Variants in TAOK3 observed in about 807,000 individuals in gnomAD.
The protein encoded by TAOK3 is TAO kinase 3.
In TAOK3, 40 loss-of-function variants were observed where a neutral mutation model predicts 120.4. That is an observed-to-expected ratio of 0.33 (90% confidence interval 0.26 to 0.43). The LOEUF (loss-of-function observed/expected upper bound fraction) is 0.43, where lower values mean the gene tolerates loss of function less well. TAOK3 is among the 20% of genes least tolerant of loss of function. TAOK3 has a pLI of 1.00. For synonymous variants in TAOK3, 355 were observed against 387.5 expected (o/e 0.92, Z 0.99); for missense variants, 821 against 1,112.1 (o/e 0.74, Z 3.72).
At chr12:118,187,591 C>T (rs1364114755) in intron 14 of TAOK3, among the ~76,000 whole-genome samples, 1 of 151,684 alleles carries the variant, frequency 6.6e-6, no homozygotes, top group Non-Finnish European at 1.5e-5. Flanking sequence ...TACCTTTTCC[C>T]TTCCATTTTT....
intron 16 of TAOK3, among the ~76,000 whole-genome samples, chr12:118,174,498 T>C (rs2036199968): frequency 6.6e-6 from 1 of 152,054 alleles, no homozygotes; most frequent in Non-Finnish European, 1.5e-5. Flanking sequence ...TGGGGACTCT[T>C]AAATGCTGTT....
chr12:118,271,199 A>C (rs1426618106), intron 1 of TAOK3, among the ~76,000 whole-genome samples: 1 of 152,220 alleles, frequency 6.6e-6, no homozygotes, highest in African/African-American at 2.4e-5. Flanking sequence ...TAAAGTGTAC[A>C]ATTCAATGGT....
intron 3 of TAOK3, among the ~76,000 whole-genome samples, chr12:118,255,233 C>T (rs753250178): frequency 2.4e-4 from 37 of 152,154 alleles, no homozygotes; most frequent in Non-Finnish European, 4.0e-4. Flanking sequence ...GCTTATTTTA[C>T]GAGCAACAGC....
At position 118,352,400 on chromosome 12, in the gene TAOK3, A is replaced by G. The variant is rs1181997317; in HGVS notation, c.-194+20248T>C. On this transcript the variant is annotated intron_variant, in intron 1 of 20. Coordinates refer to ENST00000392533, the MANE Select transcript of TAOK3 (RefSeq NM_016281.4). ...GCACCTGTAATCCCAGCTACTCAGG[A>G]GGCTGAGGTAGGGAGAATCGCTTGA... Among the ~76,000 whole-genome samples, 3 of 151,590 alleles carry G rather than the reference A, an allele frequency of 2.0e-5. No individual in the cohort carries two copies. The East Asian group carries it at 6.1e-4, about 31-fold the overall frequency.
intron 3 of TAOK3, among the ~76,000 whole-genome samples, chr12:118,248,731 T>A (rs761336419): frequency 5.9e-5 from 9 of 152,144 alleles, no homozygotes; most frequent in Non-Finnish European, 8.8e-5. Context: ...TATTTGGACC[T>A]AAAAACATGA....
chr12:118,265,462 C>T (rs2041408770), intron 2 of TAOK3, among the ~76,000 whole-genome samples: 1 of 149,676 alleles, frequency 6.7e-6, no homozygotes, highest in Non-Finnish European at 1.5e-5. Context: ...ATACACTTAC[C>T]TACAAACTCA....
chr12:118,188,943 TGA>T (rs369714951), intron 14 of TAOK3, among the ~76,000 whole-genome samples: 7 of 151,454 alleles, frequency 4.6e-5, no homozygotes, highest in African/African-American at 9.7e-5. Flanking sequence ...TGTGTGTGTG[TGA>T]GTGTGAGCGC....
chr12:118,228,283 C>T (rs2039604267), intron 9 of TAOK3, among the ~76,000 whole-genome samples: 1 of 151,644 alleles, frequency 6.6e-6, no homozygotes. Context: ...TCCCAAGTAG[C>T]TGGGATTACA....
At chr12:118,167,099 G>A (rs2138536149) in intron 17 of TAOK3, among the ~76,000 whole-genome samples, 1 of 152,190 alleles carries the variant, frequency 6.6e-6, no homozygotes, top group Admixed American at 6.5e-5. Context: ...GACATTTAAT[G>A]CCTTCTTAGT....
intron 2 of TAOK3, among the ~76,000 whole-genome samples, chr12:118,265,394 G>GAAAAAAA (rs35810306): frequency 1.5e-5 from 1 of 68,598 alleles, no homozygotes; most frequent in Non-Finnish European, 2.9e-5. Flanking sequence ...GTCTCAGGAA[G>GAAAAAAA]AAAAAAAAAA....
Position 118,150,862 on chromosome 12 carries a change from C to A in TAOK3, c.*135G>T, listed in dbSNP as rs915664255. On this transcript the variant is annotated 3_prime_UTR_variant, in exon 21 of 21. Coordinates refer to ENST00000392533, the MANE Select transcript of TAOK3 (RefSeq NM_016281.4). ...AGAATAAACAGGCACTAGTCCGACA[C>A]GATGTCAGTAAGAGTAAGAGAGAGA... 1.0e-5 allele frequency: 10 copies of A among 973,124 alleles called. No homozygotes were observed. The highest frequency in any genetic ancestry group is 1.5e-5 in the Non-Finnish European group (10 of 677,826). The allele number at this position is 973,124 out of a possible 1,614,324, so 60.3% of individuals were successfully genotyped here. A position where few individuals can be genotyped will look rare whatever the true frequency, so the allele number is the denominator to read the frequency against.
chr12:118,270,671 T>TC (rs1647040532), intron 1 of TAOK3, among the ~76,000 whole-genome samples: 1 of 144,056 alleles, frequency 6.9e-6, no homozygotes, highest in Non-Finnish European at 1.5e-5. Flanking sequence ...AAATGTCACT[T>TC]TTTTTTTTTT....
At chr12:118,203,066 C>T (rs1220181963) in intron 11 of TAOK3, among the ~76,000 whole-genome samples, 1 of 152,030 alleles carries the variant, frequency 6.6e-6, no homozygotes, top group African/African-American at 2.4e-5. Flanking sequence ...AGGCGTGAGC[C>T]ACCGCACCGC....
intron 2 of TAOK3, among the ~76,000 whole-genome samples, chr12:118,260,765 C>T (rs555102922): frequency 6.6e-6 from 1 of 152,308 alleles, no homozygotes; most frequent in Admixed American, 6.5e-5. Flanking sequence ...ACTGCAACCT[C>T]TGCCTCCCAG....
In TAOK3 at chr12:118,238,173, AGG is replaced by A; in HGVS notation, c.341-6_341-5del. 2 of 1,587,382 alleles carry A rather than the reference AGG, an allele frequency of 1.3e-6. No homozygotes were observed. Among genetic ancestry groups the A allele is most frequent in the Admixed American group, 1.7e-5 (1 of 57,842 alleles). On this transcript the variant is annotated splice_region_variant and splice_polypyrimidine_tract_variant and intron_variant, in intron 6 of 20. Transcript: ENST00000392533. ...TCCTGAAGTGGTTTTTTATGAACTG[AGG>A]AAGGAAAAAAAAAAAAGTCAGTAGA...
At chr12:118,242,666 C>T (rs939670217) in intron 5 of TAOK3, among the ~76,000 whole-genome samples, 5 of 152,158 alleles carry the variant, frequency 3.3e-5, no homozygotes, top group South Asian at 2.1e-4. Flanking sequence ...TGGAGACCAG[C>T]GTGGCCAACA....
intron 5 of TAOK3, among the ~76,000 whole-genome samples, chr12:118,241,675 C>T (rs1027687374): frequency 1.3e-5 from 2 of 152,120 alleles, no homozygotes; most frequent in African/African-American, 2.4e-5. Context: ...TGACTTTTTC[C>T]GTATGGTTAA....
chr12:118,326,406 T>C (rs762523675), intron 1 of TAOK3, among the ~76,000 whole-genome samples: 1 of 152,222 alleles, frequency 6.6e-6, no homozygotes, highest in Non-Finnish European at 1.5e-5. Flanking sequence ...CGTTCTGTAG[T>C]ATAATTTGAA....
rs530320034 is a variant in TAOK3 at position 118,305,199 on chromosome 12, C to T, written c.-193-38440G>A. Among the ~76,000 whole-genome samples, 13 of 152,188 alleles carry T rather than the reference C, an allele frequency of 8.5e-5. No individual in the cohort carries two copies. The South Asian group carries it at 1.2e-3, about 15-fold the overall frequency. ...GAATAAGCATTCAATAAACTTAACC[C>T]GCCGGGTTTGGTGGTTTATGCCTGT... On this transcript the variant is annotated intron_variant, in intron 1 of 20. Transcript: ENST00000392533.
Sources: allele counts gnomAD v4.1 joint callset (sites outside exome capture counted in the v4.1 genomes callset), GRCh38; gene constraint gnomAD v4.1.1; transcripts MANE v1.5; gene names NCBI Gene and HGNC (gene_info 2026-07-23, HGNC 2026-07-21).